EFCAB13: variants seen among roughly 807,000 people sequenced by gnomAD.
EFCAB13 encodes the protein EF-hand calcium-binding domain-containing protein 13.
A neutral mutation model predicts 110.2 loss-of-function variants in EFCAB13; 91 were observed. The ratio of observed to expected loss-of-function variants is 0.83; its 90% CI spans 0.70 to 0.98. EFCAB13 has a LOEUF of 0.98. Among genes scored for constraint, EFCAB13 ranks in the 50% least tolerant of loss-of-function variants. EFCAB13 has a pLI of 0.00. For synonymous variants in EFCAB13, 323 were observed against 369.9 expected (o/e 0.87, Z 1.45); for missense variants, 968 against 1,119.4 (o/e 0.86, Z 1.93).
chr17:47,355,719 C>T (rs994415484), intron 9 of EFCAB13, among the ~76,000 whole-genome samples: 5 of 151,724 alleles, frequency 3.3e-5, no homozygotes, highest in South Asian at 4.2e-4. Context: ...ACTACAGTCG[C>T]GCGCCACCAA....
intron 14 of EFCAB13, among the ~76,000 whole-genome samples, chr17:47,385,760 G>A (rs117790003): frequency 6.6e-6 from 1 of 152,062 alleles, no homozygotes; most frequent in Non-Finnish European, 1.5e-5. Context: ...TTTTGTGCTG[G>A]TTTGTCCTCA....
chr17:47,337,982 T>C (rs939471172), intron 5 of EFCAB13, among the ~76,000 whole-genome samples: 2 of 152,204 alleles, frequency 1.3e-5, no homozygotes, highest in African/African-American at 2.4e-5. Flanking sequence ...GTGACTCCTA[T>C]CTCATTTTAA....
At chr17:47,348,463 A>C (rs1173633259) in intron 9 of EFCAB13, among the ~76,000 whole-genome samples, 2 of 152,032 alleles carry the variant, frequency 1.3e-5, no homozygotes, top group Non-Finnish European at 2.9e-5. Context: ...ATAGTTCAAA[A>C]ATTTTAGTTG....
At chr17:47,335,080 C>T (rs951024790) in intron 4 of EFCAB13, 116 bp from the exon 5 acceptor site, 29 of 1,171,820 alleles carry the variant, frequency 2.5e-5, no homozygotes, top group South Asian at 9.0e-5. Flanking sequence ...AAATTCTCTT[C>T]GGTAGCACTA....
intron 16 of EFCAB13, 99 bp from the exon 17 acceptor site, chr17:47,395,735 A>G: frequency 1.0e-6 from 1 of 987,716 alleles, no homozygotes. Flanking sequence ...ATTCTTTTAA[A>G]CCATAAAAAC....
At chr17:47,388,782 AT>A (rs1303277488) in intron 14 of EFCAB13, among the ~76,000 whole-genome samples, 1 of 152,134 alleles carries the variant, frequency 6.6e-6, no homozygotes, top group African/African-American at 2.4e-5. Flanking sequence ...TAAGAGAAGA[AT>A]TTTAGTCTAT....
chr17:47,362,574 T>TGATGTCAGGCCTGCCC (rs1162222996), intron 10 of EFCAB13, among the ~76,000 whole-genome samples: 2 of 152,104 alleles, frequency 1.3e-5, no homozygotes, highest in Non-Finnish European at 2.9e-5. Context: ...AGGGCCTGAC[T>TGATGTCAGGCCTGCCC]GATGTCAGGC....
Position 47,402,119 on chromosome 17 carries a change from T to A in EFCAB13, c.1946-13T>A, listed in dbSNP as rs768117429. On this transcript the variant is annotated splice_polypyrimidine_tract_variant and intron_variant, in intron 17 of 24. Coordinates refer to ENST00000331493, the MANE Select transcript of EFCAB13 (RefSeq NM_152347.5). ...TAATGAGGTTGGTCTATTAAAAGTG[T>A]TTTTTCTCACAGAAGGTGACAAAGT... 5.0e-5 allele frequency: 80 copies of A among 1,613,230 alleles called. No individual in the cohort carries two copies. Among genetic ancestry groups the A allele is most frequent in the Non-Finnish European group, 6.7e-5 (79 of 1,179,318 alleles).
At chr17:47,420,740 C>T (rs376715897) in intron 23 of EFCAB13, among the ~76,000 whole-genome samples, 3,140 of 150,946 alleles carry the variant, frequency 0.021, 83 homozygotes, top group East Asian at 0.16. Flanking sequence ...GTGAGGAGCC[C>T]CTCCGCCCGG....
chr17:47,404,195 T>C (rs2065793662), intron 19 of EFCAB13, among the ~76,000 whole-genome samples, 174 bp downstream of exon 19: 1 of 152,166 alleles, frequency 6.6e-6, no homozygotes, highest in African/African-American at 2.4e-5. Context: ...GGGTCTAGAT[T>C]TTGTGGAAGT....
rs1213547815 is a variant in EFCAB13, at chr17:47,412,744, T to C, written c.2279-29T>C. 6 of 1,594,310 alleles carry C rather than the reference T, an allele frequency of 3.8e-6. No individual in the cohort carries two copies. The Admixed American group carries it at 6.9e-5, about 18-fold the overall frequency. ...ATTATTTTGAATGTTTTTTACACCA[T>C]AATAGCTTGTGTACATTTATCTTTG... On this transcript the variant is annotated intron_variant, in intron 21 of 24. Transcript: ENST00000331493.
intron 19 of EFCAB13, 96 bp from the exon 20 acceptor site, chr17:47,404,466 G>A (rs550413100): frequency 4.8e-5 from 43 of 890,218 alleles, no homozygotes; most frequent in Non-Finnish European, 6.7e-5. Flanking sequence ...TAAAATGTTC[G>A]AGAAATATAT....
Position 47,409,659 on chromosome 17 carries a change from A to G in EFCAB13, c.2246A>G (p.Glu749Gly). Residue 749 changes from glutamate to glycine, a missense_variant, in exon 21 of 25, where the codon GAG becomes GGG. Glu to Gly is a moderately conservative substitution (Grantham distance 98, BLOSUM62 -2). Coordinates refer to ENST00000331493, the MANE Select transcript of EFCAB13 (RefSeq NM_152347.5). ...KFSNYIDFRK[E>G]ASNLKLPKVN... ...TCTAAATTTGCAGATTTCAGGAAAGAGGCTTCAAATCTAAAATTACCAAAG... is the reference window on the plus strand; with the variant it reads ...TCTAAATTTGCAGATTTCAGGAAAGGGGCTTCAAATCTAAAATTACCAAAG... The G allele has an allele frequency of 6.2e-7, 1 of 1,611,422 alleles. No individual in the cohort carries two copies. Among genetic ancestry groups the G allele is most frequent in the Non-Finnish European group, 8.5e-7 (1 of 1,177,786 alleles).
chr17:47,398,565 C>T (rs2065761139), intron 17 of EFCAB13, among the ~76,000 whole-genome samples: 1 of 151,810 alleles, frequency 6.6e-6, no homozygotes, highest in South Asian at 2.1e-4. Context: ...CAACCCTGTG[C>T]TCTCTGAATC....
intron 3 of EFCAB13, 32 bp from the exon 4 acceptor site, chr17:47,328,237 C>G: frequency 4.5e-6 from 4 of 888,734 alleles, no homozygotes; most frequent in Non-Finnish European, 7.5e-6. Context: ...TCTAAACAAG[C>G]GTATGATTTC....
chr17:47,344,981 A>T (rs376846216), intron 7 of EFCAB13, 35 bp from the exon 8 acceptor site: 1 of 1,517,178 alleles, frequency 6.6e-7, no homozygotes, highest in East Asian at 2.3e-5. Flanking sequence ...GCATATTTTC[A>T]TTGCCACTTT....
chr17:47,424,671 T>G (rs1310054444), intron 23 of EFCAB13, among the ~76,000 whole-genome samples: 1 of 152,146 alleles, frequency 6.6e-6, no homozygotes, highest in East Asian at 1.9e-4. Context: ...CATTATCACG[T>G]AAACTTCAGC....
rs2065511912 is a variant in EFCAB13 at position 47,361,400 on chromosome 17, T to C, written c.684T>C (p.Ile228=). 2 of 1,613,466 alleles carry C rather than the reference T, an allele frequency of 1.2e-6. No individual in the cohort carries two copies. Among genetic ancestry groups the C allele is most frequent in the Non-Finnish European group, 1.7e-6 (2 of 1,179,654 alleles). ...DIDAFQDALK[I]FCRIKGGRVS... is the part of the protein sequence containing the mutation. ...CAGCATTCCAGGATGCCTTGAAGAT[T>C]TTCTGTAGGATAAAAGGTGGTCGAG... is the stretch of plus-strand genomic sequence containing the variant. The change falls in exon 10 of 25, where the codon ATT becomes ATC. Residue 228 remains isoleucine (I), a synonymous_variant. Coordinates refer to ENST00000331493, the MANE Select transcript of EFCAB13 (RefSeq NM_152347.5).
chr17:47,405,709 G>A (rs111633567), intron 20 of EFCAB13, among the ~76,000 whole-genome samples: 1 of 150,802 alleles, frequency 6.6e-6, no homozygotes, highest in South Asian at 2.1e-4. Flanking sequence ...TATATATATA[G>A]GTATATATAT....
Sources: gnomAD v4.1 joint callset for allele counts (sites outside exome capture counted in the v4.1 genomes callset) on GRCh38, gnomAD v4.1.1 for gene constraint, MANE v1.5 for transcripts, NCBI Gene and HGNC (gene_info 2026-07-23, HGNC 2026-07-21) for gene names.